Variants in C1RL observed in about 807,000 individuals in gnomAD.
C1RL encodes the protein complement C1r subcomponent-like protein.
Under a neutral mutation model 27.9 loss-of-function variants are expected in C1RL, and 27 were observed. The observed-to-expected ratio is 0.97, with a 90% confidence interval of 0.71 to 1.33. C1RL has a LOEUF of 1.33. Ranked by LOEUF, C1RL falls within the 40% of genes most tolerant of loss-of-function variation. C1RL has a pLI of 0.00. For missense variants in C1RL, 563 were observed against 623.9 expected, an observed-to-expected ratio of 0.90 and a Z score of 1.04; for synonymous variants, 248 against 252.1, an observed-to-expected ratio of 0.98 and a Z score of 0.15.
chr12:7,099,621 G>A (rs1318547942), intron 5 of C1RL, 65 bp downstream of exon 5: 1 of 1,542,374 alleles, frequency 6.5e-7, no homozygotes, highest in South Asian at 1.2e-5. Flanking sequence ...TAACCCCTGT[G>A]TCCTGTAGGT....
At position 7,096,553 on chromosome 12, in the gene C1RL, C is replaced by A. The variant is rs916949168; in HGVS notation, c.1302G>T (p.Gly434=). The A allele has an allele frequency of 3.1e-6, 5 of 1,614,132 alleles. No individual in the cohort carries two copies. The highest frequency in any genetic ancestry group is 1.6e-4 in the Middle Eastern group (1 of 6,062). Residue 434 remains glycine, a synonymous_variant, in exon 6 of 6, where the codon GGG becomes GGT. Transcript: ENST00000266542. ...ATACCACATAGACGCTGCCACTGTC[C>A]CCCTGGCAGACACTGTGCCTTTGCG... The part of the protein sequence containing the change: ...DETQRHSVCQ[G]DSGSVYVVWD...
At position 7,109,118 on chromosome 12, in the gene C1RL, T is replaced by A. The variant is rs933160985; in HGVS notation, c.63A>T (p.Pro21=). 3.1e-6 allele frequency: 5 copies of A among 1,592,638 alleles called. No individual in the cohort carries two copies. The African/African-American group carries it at 6.7e-5, about 21-fold the overall frequency. The change falls in exon 1 of 6, where the codon CCA becomes CCT. Residue 21 remains proline, a synonymous_variant. Coordinates refer to ENST00000266542, the MANE Select transcript of C1RL (RefSeq NM_016546.4). Reference sequence around the variant, plus strand: ...GCCGGGGCCACACTCACATTGCGCCTGGACAGCCTTTGGAGTGAGGGCTTC... The same window carrying A: ...GCCGGGGCCACACTCACATTGCGCCAGGACAGCCTTTGGAGTGAGGGCTTC... The part of the protein sequence containing the change: ...LWRSPHSKGC[P]GAMWWLLLWG...
Position 7,104,434 on chromosome 12 carries a change from A to C in C1RL, c.301-2347T>G, listed in dbSNP as rs1591599940. Among the ~76,000 whole-genome samples, 1 of 152,152 alleles carries C rather than the reference A, an allele frequency of 6.6e-6. No individual in the cohort carries two copies. Among genetic ancestry groups the C allele is most frequent in the Non-Finnish European group, 1.5e-5 (1 of 68,028 alleles). ...TTTCATTATGACGTTGACGAGAAAA[A>C]ATATTGCCCCGTGTCCGGGGCCACT... On this transcript the variant is annotated intron_variant, in intron 2 of 5. Transcript: ENST00000266542. This position sits in a 1 kb window ranked among gnomAD's most constrained non-coding sequence, Gnocchi z 5.4.
chr12:7,095,930 A>G lies in C1RL; in HGVS notation c.*461T>C, dbSNP rs571135185. Reference sequence around the variant, plus strand: ...ATCTTGGAGCTGCAGAATAGCTTGAATATTTGAAGGTCAACTAAAGGGTCT... The same window carrying G: ...ATCTTGGAGCTGCAGAATAGCTTGAGTATTTGAAGGTCAACTAAAGGGTCT... On this transcript the variant is annotated 3_prime_UTR_variant, in exon 6 of 6. Transcript: ENST00000266542. The G allele has an allele frequency of 3.4e-4, 338 of 988,718 alleles. No homozygotes were observed. The highest frequency in any genetic ancestry group is 4.0e-4 in the Non-Finnish European group (330 of 832,414). 61.2% of individuals were successfully genotyped at this position (988,718 alleles called of 1,614,324 possible).
At chr12:7,107,837 G>GT (rs1368009670) in intron 2 of C1RL, among the ~76,000 whole-genome samples, 2 of 152,196 alleles carry the variant, frequency 1.3e-5, no homozygotes, top group Non-Finnish European at 2.9e-5. Context: ...CTCTTCCAAG[G>GT]TAAGTGTGAA....
chr12:7,096,223 G>T lies in C1RL; in HGVS notation c.*168C>A. The T allele has an allele frequency of 2.2e-6, 3 of 1,390,980 alleles. No homozygotes were observed. The highest frequency in any genetic ancestry group is 2.8e-6 in the Non-Finnish European group (3 of 1,077,022). The allele number at this position is 1,390,980 out of a possible 1,614,324, so 86.2% of individuals were successfully genotyped here. Reference sequence around the variant, plus strand: ...CTGGGATGGGGCGGGCTTGCCGGGTGGGGGTTTCTCTTGCAGTGGCTTGGT... The same window carrying T: ...CTGGGATGGGGCGGGCTTGCCGGGTTGGGGTTTCTCTTGCAGTGGCTTGGT... On this transcript the variant is annotated 3_prime_UTR_variant, in exon 6 of 6. Coordinates refer to ENST00000266542, the MANE Select transcript of C1RL (RefSeq NM_016546.4).
intron 2 of C1RL, among the ~76,000 whole-genome samples, chr12:7,106,311 C>T (rs1421247932): frequency 1.3e-5 from 2 of 152,126 alleles, no homozygotes; most frequent in African/African-American, 4.8e-5. Flanking sequence ...AACTATCCCT[C>T]CACTGTGAGG....
Position 7,095,556 on chromosome 12 carries a change from C to A in C1RL, c.*835G>T. ...ACCTGGCTTCTGCAGGAGATGGGGC[C>A]ATTAGGAAAGTGTGAGCTAGAGGAT... On this transcript the variant is annotated 3_prime_UTR_variant, in exon 6 of 6. Transcript: ENST00000266542. 1.0e-6 allele frequency: 1 copy of A among 985,984 alleles called. No individual in the cohort carries two copies. Among genetic ancestry groups the A allele is most frequent in the African/African-American group, 1.7e-5 (1 of 57,342 alleles). The allele number at this position is 985,984 out of a possible 1,614,324, so 61.1% of individuals were successfully genotyped here. A position where few individuals can be genotyped will look rare whatever the true frequency, so the allele number is the denominator to read the frequency against.
chr12:7,102,815 G>C (rs1437180694), intron 2 of C1RL, among the ~76,000 whole-genome samples: 1 of 152,200 alleles, frequency 6.6e-6, no homozygotes, highest in Non-Finnish European at 1.5e-5. Flanking sequence ...ATGCCCTTTT[G>C]ACTGTCTCGC....
intron 5 of C1RL, 86 bp from the exon 6 acceptor site, chr12:7,097,249 T>G: frequency 7.9e-7 from 1 of 1,266,062 alleles, no homozygotes; most frequent in Non-Finnish European, 1.1e-6. Flanking sequence ...AGTGCTGTGG[T>G]AGGGGACGCG....
chr12:7,096,406 C>T lies in C1RL; in HGVS notation c.1449G>A (p.Met483Ile). 6.3e-7 allele frequency: 1 copy of T among 1,596,478 alleles called. No homozygotes were observed. Among genetic ancestry groups the T allele is most frequent in the Non-Finnish European group, 8.6e-7 (1 of 1,169,010 alleles). ...GCCCCCAGGGTCAATTCTTGCCATT[C>T]ATCACTCCCTTGATCCAGTCCACAT... ...LSYVDWIKGV[M>I]NGKN The change falls in exon 6 of 6, where the codon ATG becomes ATA. Residue 483 changes from methionine to isoleucine, a missense_variant. Coordinates refer to ENST00000266542, the MANE Select transcript of C1RL (RefSeq NM_016546.4).
At position 7,109,114 on chromosome 12, in the gene C1RL, C is replaced by T; in HGVS notation, c.67G>A (p.Ala23Thr). ...RSPHSKGCPG[A>T]MWWLLLWGVL... The stretch of plus-strand genomic sequence containing the variant: ...CTCTGCCGGGGCCACACTCACATTG[C>T]GCCTGGACAGCCTTTGGAGTGAGGG... The change falls in exon 1 of 6, where the codon GCA becomes ACA. Residue 23 changes from alanine to threonine, a missense_variant. Coordinates refer to ENST00000266542, the MANE Select transcript of C1RL (RefSeq NM_016546.4). The T allele has an allele frequency of 6.3e-7, 1 of 1,590,596 alleles. No homozygotes were observed. Among genetic ancestry groups the T allele is most frequent in the Non-Finnish European group, 8.6e-7 (1 of 1,167,364 alleles).
intron 1 of C1RL, 132 bp downstream of exon 1, chr12:7,108,978 T>TGA: frequency 6.1e-6 from 1 of 164,094 alleles, no homozygotes; most frequent in Admixed American, 1.3e-4. Context: ...TGTGTGTGTG[T>TGA]GTGTGTGTGT....
chr12:7,107,426 TC>T (rs1938798255), intron 2 of C1RL, among the ~76,000 whole-genome samples: 1 of 151,952 alleles, frequency 6.6e-6, no homozygotes, highest in Admixed American at 6.6e-5. Flanking sequence ...CGCCTCAGCC[TC>T]CCAAAGTGCT....
intron 2 of C1RL, 132 bp from the exon 3 acceptor site, chr12:7,102,219 G>C (rs959540621): frequency 6.0e-6 from 5 of 836,334 alleles, no homozygotes; most frequent in Non-Finnish European, 9.3e-6. Context: ...GGCTCAGAAG[G>C]CACCTCACAG....
At position 7,094,656 on chromosome 12, in the gene C1RL, TAAAC is replaced by T; in HGVS notation, c.*1731_*1734del. The T allele has an allele frequency of 8.2e-6, 8 of 978,800 alleles. No homozygotes were observed. Among genetic ancestry groups the T allele is most frequent in the Non-Finnish European group, 9.7e-6 (8 of 823,862 alleles). The allele number at this position is 978,800 out of a possible 1,614,324, so 60.6% of individuals were successfully genotyped here. A position where few individuals can be genotyped will look rare whatever the true frequency, so the allele number is the denominator to read the frequency against. Reference sequence around the variant, plus strand: ...TAAAATAAAAACATTTCATGCTCATTAAACAAATTTTAGCCAATAGAGAATAGTG... The same window carrying T: ...TAAAATAAAAACATTTCATGCTCATTAAATTTTAGCCAATAGAGAATAGTG... On this transcript the variant is annotated 3_prime_UTR_variant, in exon 6 of 6. Transcript: ENST00000266542.
Position 7,109,114 on chromosome 12 carries a change from C to G in C1RL, c.67G>C (p.Ala23Pro), listed in dbSNP as rs1452796735. Residue 23 changes from alanine (A) to proline (P), a missense_variant, in exon 1 of 6, where the codon GCA becomes CCA. Transcript: ENST00000266542. ...CTCTGCCGGGGCCACACTCACATTGCGCCTGGACAGCCTTTGGAGTGAGGG... is the reference window on the plus strand; with the variant it reads ...CTCTGCCGGGGCCACACTCACATTGGGCCTGGACAGCCTTTGGAGTGAGGG... ...RSPHSKGCPG[A>P]MWWLLLWGVL... The G allele has an allele frequency of 1.9e-6, 3 of 1,590,598 alleles. 1 individual carries two copies. The East Asian group carries it at 6.8e-5, about 36-fold the overall frequency.
chr12:7,109,041 T>A, intron 1 of C1RL, 69 bp downstream of exon 1: 1 of 953,050 alleles, frequency 1.0e-6, no homozygotes, highest in Non-Finnish European at 1.6e-6. Context: ...GAGGGAGGGT[T>A]TGCGGCCACC....
intron 3 of C1RL, chr12:7,101,502 T>A: frequency 4.2e-6 from 1 of 240,140 alleles, no homozygotes; most frequent in Non-Finnish European, 8.3e-6. Context: ...ACTACTGGCC[T>A]CAAGCAATCT....
Sources: gnomAD v4.1 joint callset for allele counts (sites outside exome capture counted in the v4.1 genomes callset) on GRCh38, gnomAD v4.1.1 for gene constraint, Gnocchi (gnomAD v3.1) non-coding constraint, MANE v1.5 for transcripts, NCBI Gene and HGNC (gene_info 2026-07-23, HGNC 2026-07-21) for gene names.